The following GALNT1 variants were observed in gnomAD, a reference collection of about 807,000 sequenced individuals.
GALNT1 encodes the protein polypeptide N-acetylgalactosaminyltransferase 1.
In GALNT1, 17 loss-of-function variants were observed where a neutral mutation model predicts 65.7. The ratio of observed to expected loss-of-function variants is 0.26; its 90% CI spans 0.18 to 0.39. The LOEUF is 0.39. Among genes scored for constraint, GALNT1 ranks in the 10% least tolerant of loss-of-function variants. The pLI is 1.00. For missense variants in GALNT1, 460 were observed against 672.8 expected, an observed-to-expected ratio of 0.68 and a Z score of 3.50; for synonymous variants, 210 against 219.7, an observed-to-expected ratio of 0.96 and a Z score of 0.39.
intron 1 of GALNT1, among the ~76,000 whole-genome samples, chr18:35,607,602 A>G (rs1400049173): frequency 6.6e-6 from 1 of 152,166 alleles, no homozygotes; most frequent in Non-Finnish European, 1.5e-5. Flanking sequence ...GGGGGCTGGT[A>G]TGGTGGCTCC....
At chr18:35,624,430 T>C (rs2046891541) in intron 1 of GALNT1, among the ~76,000 whole-genome samples, 3 of 152,220 alleles carry the variant, frequency 2.0e-5, no homozygotes, top group African/African-American at 7.2e-5. Flanking sequence ...TGCTTTCACT[T>C]TCAGCTTTTC....
chr18:35,657,750 G>A (rs2047413389), intron 2 of GALNT1, among the ~76,000 whole-genome samples: 2 of 152,332 alleles, frequency 1.3e-5, no homozygotes, highest in South Asian at 4.1e-4. Flanking sequence ...AATGGTAACT[G>A]TGGAAGTCAG....
chr18:35,707,181 C>T (rs1286911248), intron 11 of GALNT1, among the ~76,000 whole-genome samples: 2 of 152,180 alleles, frequency 1.3e-5, no homozygotes, highest in Non-Finnish European at 2.9e-5. Flanking sequence ...CTACTTGTAT[C>T]TGTCCTTTCT....
intron 1 of GALNT1, among the ~76,000 whole-genome samples, chr18:35,606,155 A>G (rs2046644569): frequency 6.6e-6 from 1 of 152,196 alleles, no homozygotes; most frequent in Non-Finnish European, 1.5e-5. Flanking sequence ...GATTGTTGCC[A>G]GCACCATTGT....
rs141067908 is a variant in GALNT1 at position 35,631,417 on chromosome 18, A to C, written c.-103-23143A>C. 8.7e-3 allele frequency among the ~76,000 whole-genome samples: 1,330 copies of C among 152,324 alleles called. 20 individuals are homozygous for C. Among genetic ancestry groups the C allele is most frequent in the East Asian group, 0.046 (240 of 5,182 alleles). On this transcript the variant is annotated intron_variant, in intron 1 of 11. Coordinates refer to ENST00000269195, the MANE Select transcript of GALNT1 (RefSeq NM_020474.4). ...CTGGTTCAACATACGCAAATCAATA[A>C]ATGTAATCCAGCATATAAACAGAAC...
intron 4 of GALNT1, among the ~76,000 whole-genome samples, chr18:35,681,709 T>C (rs2047789555): frequency 6.6e-6 from 1 of 152,152 alleles, no homozygotes; most frequent in African/African-American, 2.4e-5. Context: ...AAATTCTGGA[T>C]ACAAAGTATT....
chr18:35,653,945 A>G (rs972963160), intron 1 of GALNT1, among the ~76,000 whole-genome samples: 3 of 152,180 alleles, frequency 2.0e-5, no homozygotes, highest in Non-Finnish European at 4.4e-5. Flanking sequence ...TGACTGTTGC[A>G]GTTTTAGAAT....
chr18:35,659,416 T>C (rs2047444972), intron 2 of GALNT1, among the ~76,000 whole-genome samples: 1 of 152,230 alleles, frequency 6.6e-6, no homozygotes, highest in Non-Finnish European at 1.5e-5. Flanking sequence ...CTTAAGTCTA[T>C]ACTTGTATTT....
At chr18:35,684,296 G>A (rs1437721953) in intron 5 of GALNT1, among the ~76,000 whole-genome samples, 1 of 151,980 alleles carries the variant, frequency 6.6e-6, no homozygotes, top group African/African-American at 2.4e-5. Context: ...AACACGGTGG[G>A]AGCTAAAGCC....
intron 1 of GALNT1, among the ~76,000 whole-genome samples, chr18:35,605,764 C>A (rs1256296846): frequency 1.3e-5 from 2 of 152,070 alleles, no homozygotes; most frequent in Non-Finnish European, 2.9e-5. Flanking sequence ...AAATCAGTAG[C>A]TTTAAGGTGC....
chr18:35,646,174 A>G (rs2047228379), intron 1 of GALNT1, among the ~76,000 whole-genome samples: 1 of 152,306 alleles, frequency 6.6e-6, no homozygotes, highest in East Asian at 1.9e-4. Flanking sequence ...GGAGAGAGAA[A>G]GAGGTGGGGG....
At chr18:35,622,038 C>G (rs1304431235) in intron 1 of GALNT1, among the ~76,000 whole-genome samples, 1 of 152,114 alleles carries the variant, frequency 6.6e-6, no homozygotes, top group Non-Finnish European at 1.5e-5. Flanking sequence ...TAATGGCTTT[C>G]TTAGCTTTGC....
chr18:35,613,875 G>A (rs1214260292), intron 1 of GALNT1, among the ~76,000 whole-genome samples: 7 of 151,006 alleles, frequency 4.6e-5, no homozygotes, highest in Admixed American at 4.0e-4. Flanking sequence ...TAATGGTGGG[G>A]GAAAAAAAAA....
At chr18:35,611,241 A>G (rs2046712745) in intron 1 of GALNT1, among the ~76,000 whole-genome samples, 2 of 152,140 alleles carry the variant, frequency 1.3e-5, no homozygotes, top group Admixed American at 1.3e-4. Flanking sequence ...GAGCAGGGGA[A>G]GGTCCCTGGA....
intron 5 of GALNT1, 116 bp from the exon 6 acceptor site, chr18:35,686,900 T>C (rs2047876785): frequency 1.0e-6 from 1 of 979,006 alleles, no homozygotes; most frequent in Non-Finnish European, 1.5e-6. Flanking sequence ...AGAGTAGTGA[T>C]ACCCTGTTTC....
At chr18:35,691,268 T>A in intron 8 of GALNT1, 76 bp downstream of exon 8, 1 of 1,348,332 alleles carries the variant, frequency 7.4e-7, no homozygotes. Flanking sequence ...GTAAGAAGGT[T>A]AGAAGTGAAG....
rs115352092 is a variant in GALNT1, at chr18:35,665,422, G to T, written c.314+1620G>T. Among the ~76,000 whole-genome samples, 970 of 152,102 alleles carry T rather than the reference G, an allele frequency of 6.4e-3. 19 individuals carry two copies. Among genetic ancestry groups the T allele is most frequent in the African/African-American group, 0.022 (921 of 41,518 alleles). On this transcript the variant is annotated intron_variant, in intron 3 of 11. Transcript: ENST00000269195. Reference sequence around the variant, plus strand: ...ATTTTAATAATAGGAGTCTCAAAAAGAATTTTAAAAATAGGGAAGAGAAAA... The same window carrying T: ...ATTTTAATAATAGGAGTCTCAAAAATAATTTTAAAAATAGGGAAGAGAAAA...
At chr18:35,702,775 T>C (rs548618189) in intron 9 of GALNT1, 122 bp from the exon 10 acceptor site, 64 of 544,106 alleles carry the variant, frequency 1.2e-4, no homozygotes, top group Admixed American at 7.6e-4. Context: ...GATAGGCCAA[T>C]AGGCCATTTC....
At chr18:35,600,514 C>CT (rs1022097044) in intron 1 of GALNT1, among the ~76,000 whole-genome samples, 1 of 152,086 alleles carries the variant, frequency 6.6e-6, no homozygotes, top group Admixed American at 6.5e-5. Flanking sequence ...CCCTTTATGT[C>CT]TTTTTCTTTT....
Sources: gnomAD v4.1 joint callset for allele counts (sites outside exome capture counted in the v4.1 genomes callset) on GRCh38, gnomAD v4.1.1 for gene constraint, MANE v1.5 for transcripts, NCBI Gene and HGNC (gene_info 2026-07-23, HGNC 2026-07-21) for gene names.